ASCC3: variants seen among roughly 807,000 people sequenced by gnomAD.
The protein encoded by ASCC3 is activating signal cointegrator 1 complex subunit 3, also known as ASC-1 complex subunit P200.
Under a neutral mutation model 256.3 loss-of-function variants are expected in ASCC3, and 158 were observed. That is an observed-to-expected ratio of 0.62 (90% CI 0.54 to 0.70). The LOEUF (loss-of-function observed/expected upper bound fraction) is 0.70, where lower values mean the gene tolerates loss of function less well. Ranked by LOEUF, ASCC3 falls within the 30% of genes least tolerant of loss-of-function variation. The pLI, the probability that ASCC3 is intolerant of heterozygous loss-of-function variation, is 0.00. For missense variants in ASCC3, 2,259 were observed against 2,626.0 expected (o/e 0.86, Z 3.05); for synonymous variants, 948 against 883.4 (o/e 1.07, Z -1.30).
In ASCC3 at chr6:100,766,709, T is replaced by C. The variant is rs1423025544; in HGVS notation, c.1597-4A>G. ...TCATTGGAGCAACATATACAATCTA[T>C]ACCAAAGGAACACTAGCTTGATTAA... On this transcript the variant is annotated splice_region_variant and splice_polypyrimidine_tract_variant and intron_variant, in intron 9 of 41. Coordinates refer to ENST00000369162, the MANE Select transcript of ASCC3 (RefSeq NM_006828.4). 6.2e-7 allele frequency: 1 copy of C among 1,613,952 alleles called. No individual in the cohort carries two copies.
chr6:100,703,071 T>C (rs369239447), intron 13 of ASCC3, among the ~76,000 whole-genome samples: 1 of 152,108 alleles, frequency 6.6e-6, no homozygotes, highest in Non-Finnish European at 1.5e-5. Context: ...TCTGGATTTT[T>C]TTTTCTAAAT....
chr6:100,815,402 TAA>T (rs373350935), intron 4 of ASCC3, among the ~76,000 whole-genome samples: 1 of 144,858 alleles, frequency 6.9e-6, no homozygotes. Context: ...TTCATAGAAC[TAA>T]AAAAAAAAAC....
chr6:100,632,848 T>G (rs1213717510), intron 25 of ASCC3, among the ~76,000 whole-genome samples: 1 of 152,112 alleles, frequency 6.6e-6, no homozygotes. Flanking sequence ...ATATAAGATC[T>G]AAAACTACAA....
chr6:100,634,006 A>C (rs555764499), intron 25 of ASCC3, among the ~76,000 whole-genome samples: 1 of 152,304 alleles, frequency 6.6e-6, no homozygotes, highest in South Asian at 2.1e-4. Context: ...TGGGTGGAAA[A>C]CATGAATAAA....
chr6:100,578,748 G>A (rs553900355), intron 36 of ASCC3, among the ~76,000 whole-genome samples: 12 of 152,028 alleles, frequency 7.9e-5, no homozygotes, highest in Non-Finnish European at 1.2e-4. Flanking sequence ...GTGTCTTTAC[G>A]GCAGAACAAT....
intron 36 of ASCC3, among the ~76,000 whole-genome samples, chr6:100,544,493 G>T (rs1775612084): frequency 1.3e-5 from 2 of 151,842 alleles, no homozygotes; most frequent in Non-Finnish European, 2.9e-5. Flanking sequence ...ATAACTACAG[G>T]TTTTACAGAT....
chr6:100,811,929 C>T (rs1020772792), intron 4 of ASCC3, among the ~76,000 whole-genome samples: 1 of 152,072 alleles, frequency 6.6e-6, no homozygotes, highest in Admixed American at 6.6e-5. Context: ...AAATTTATGT[C>T]CCCACAAAAT....
chr6:100,784,784 T>C (rs1329131688), intron 8 of ASCC3, among the ~76,000 whole-genome samples: 1 of 152,024 alleles, frequency 6.6e-6, no homozygotes, highest in African/African-American at 2.4e-5. Context: ...AGATAAATTT[T>C]ATCATCAGCC....
intron 13 of ASCC3, among the ~76,000 whole-genome samples, chr6:100,710,762 A>G (rs1461273575): frequency 6.6e-6 from 1 of 152,188 alleles, no homozygotes; most frequent in Non-Finnish European, 1.5e-5. Context: ...TACTTTTCCC[A>G]ACATTTGGGG....
intron 10 of ASCC3, among the ~76,000 whole-genome samples, chr6:100,750,659 A>G (rs1389485448): frequency 6.6e-6 from 1 of 152,084 alleles, no homozygotes. Flanking sequence ...TTTAAAGAAT[A>G]TAGCTTATGA....
chr6:100,795,513 T>C, intron 8 of ASCC3, among the ~76,000 whole-genome samples: 1 of 152,198 alleles, frequency 6.6e-6, no homozygotes, highest in African/African-American at 2.4e-5. Flanking sequence ...AGAAAAGCCA[T>C]AAATTGTCAC....
rs1368482929 is a variant in ASCC3, at chr6:100,607,184, T to G, written c.4786-96A>C. 4.3e-5 allele frequency: 56 copies of G among 1,303,614 alleles called. 1 individual carries two copies. Among genetic ancestry groups the G allele is most frequent in the Non-Finnish European group, 5.8e-5 (54 of 926,950 alleles). 80.8% of individuals were successfully genotyped at this position (1,303,614 alleles called of 1,614,324 possible). ...AAAAAACATTAATTTTGTCTTTATG[T>G]TATTATATGGACATAAAATATAAGT... On this transcript the variant is annotated intron_variant, in intron 30 of 41. Transcript: ENST00000369162.
At chr6:100,730,758 T>C (rs899823856) in intron 10 of ASCC3, among the ~76,000 whole-genome samples, 9 of 152,206 alleles carry the variant, frequency 5.9e-5, no homozygotes, top group Non-Finnish European at 4.4e-5. Flanking sequence ...ATCTGACAGC[T>C]TGCAGATTAT....
chr6:100,636,551 C>A (rs1774853479), intron 25 of ASCC3, among the ~76,000 whole-genome samples: 1 of 152,148 alleles, frequency 6.6e-6, no homozygotes, highest in Non-Finnish European at 1.5e-5. Flanking sequence ...TTGCATGTCT[C>A]TCACTTTAAA....
chr6:100,585,701 C>T (rs1771618731), intron 36 of ASCC3, among the ~76,000 whole-genome samples: 1 of 152,096 alleles, frequency 6.6e-6, no homozygotes, highest in South Asian at 2.1e-4. Context: ...TTTTCCCCAT[C>T]TTTGTGGTTT....
chr6:100,688,448 A>T (rs948237870), intron 13 of ASCC3, among the ~76,000 whole-genome samples: 11 of 152,202 alleles, frequency 7.2e-5, no homozygotes, highest in Non-Finnish European at 1.5e-4. Flanking sequence ...ATTACTTGAA[A>T]AGTTTATACA....
At chr6:100,820,717 A>G (rs1253151539) in intron 4 of ASCC3, among the ~76,000 whole-genome samples, 1 of 151,846 alleles carries the variant, frequency 6.6e-6, no homozygotes, top group Non-Finnish European at 1.5e-5. Context: ...CAGAATAGGA[A>G]AAAAAAAATC....
rs138695489 is a variant in ASCC3, at chr6:100,864,754, C to A, written c.91-540G>T. Reference sequence around the variant, plus strand: ...TGGAAGATTCTTTTCTATACACACTCTTTTCTATTAGGTGGCTTAAACAAG... The same window carrying A: ...TGGAAGATTCTTTTCTATACACACTATTTTCTATTAGGTGGCTTAAACAAG... On this transcript the variant is annotated intron_variant, in intron 2 of 41. Coordinates refer to ENST00000369162, the MANE Select transcript of ASCC3 (RefSeq NM_006828.4). Among the ~76,000 whole-genome samples the A allele has an allele frequency of 3.1e-3, 468 of 152,278 alleles. 6 individuals are homozygous for A. Among genetic ancestry groups the A allele is most frequent in the South Asian group, 0.02 (98 of 4,826 alleles).
intron 3 of ASCC3, among the ~76,000 whole-genome samples, chr6:100,851,576 C>G (rs1241800550): frequency 6.6e-6 from 1 of 152,024 alleles, no homozygotes; most frequent in Non-Finnish European, 1.5e-5. Context: ...TTTTAATAAC[C>G]ATTAACTTAA....
Sources: allele counts gnomAD v4.1 joint callset (sites outside exome capture counted in the v4.1 genomes callset), GRCh38; gene constraint gnomAD v4.1.1; transcripts MANE v1.5; gene names NCBI Gene and HGNC (gene_info 2026-07-23, HGNC 2026-07-21).